The following SCFD2 variants were observed in gnomAD, a reference collection of about 807,000 sequenced individuals.
SCFD2 encodes sec1 family domain-containing protein 2.
Under a neutral mutation model 58.9 loss-of-function variants are expected in SCFD2, and 54 were observed. The ratio of observed to expected loss-of-function variants is 0.92; its 90% CI spans 0.74 to 1.15. SCFD2 has a LOEUF of 1.15. Among genes scored for constraint, SCFD2 ranks in the 50% most tolerant of loss-of-function variants. SCFD2 has a pLI of 0.00. For missense variants in SCFD2, 805 were observed against 836.6 expected (o/e 0.96, Z 0.47); for synonymous variants, 321 against 335.9 (o/e 0.96, Z 0.49).
At chr4:53,246,792 A>G (rs1399571772) in intron 4 of SCFD2, among the ~76,000 whole-genome samples, 1 of 152,186 alleles carries the variant, frequency 6.6e-6, no homozygotes, top group Non-Finnish European at 1.5e-5. Context: ...GAACTGGCAA[A>G]GACTTCATGA....
intron 4 of SCFD2, among the ~76,000 whole-genome samples, chr4:53,246,584 T>G (rs1730081894): frequency 6.6e-6 from 1 of 151,980 alleles, no homozygotes; most frequent in Non-Finnish European, 1.5e-5. Context: ...CTGACATAAA[T>G]AAGCAATGGG....
chr4:53,356,749 T>G (rs1383534735), intron 1 of SCFD2, among the ~76,000 whole-genome samples: 2 of 147,706 alleles, frequency 1.4e-5, no homozygotes, highest in South Asian at 2.2e-4. Context: ...TTTTTTTTTT[T>G]TTGTTGAGAC....
intron 5 of SCFD2, among the ~76,000 whole-genome samples, chr4:53,132,257 G>A (rs1725805895): frequency 6.6e-6 from 1 of 152,064 alleles, no homozygotes; most frequent in South Asian, 2.1e-4. Flanking sequence ...ATGTGCTATG[G>A]GTAACTATTT....
At chr4:53,243,565 T>C (rs1729967542) in intron 4 of SCFD2, among the ~76,000 whole-genome samples, 1 of 152,090 alleles carries the variant, frequency 6.6e-6, no homozygotes, top group African/African-American at 2.4e-5. Flanking sequence ...AAAGCAACTA[T>C]ACAAACAAGT....
intron 5 of SCFD2, among the ~76,000 whole-genome samples, chr4:53,064,695 T>C (rs1723608043): frequency 6.6e-6 from 1 of 152,124 alleles, no homozygotes; most frequent in Non-Finnish European, 1.5e-5. Flanking sequence ...AAGTGTGACA[T>C]TATTTGTCTT....
rs1445404923 is a variant in SCFD2 at position 53,152,415 on chromosome 4, G to A, written c.1312-6833C>T. Among the ~76,000 whole-genome samples the A allele has an allele frequency of 3.9e-5, 6 of 152,040 alleles. No individual in the cohort carries two copies. The South Asian group carries it at 1.0e-3, about 26-fold the overall frequency. The stretch of plus-strand genomic sequence containing the variant: ...TATCAAATGTAGGCAAGGATGTGGA[G>A]CCACTAAACGTCTCATACATTGCTA... On this transcript the variant is annotated intron_variant, in intron 4 of 8. Transcript: ENST00000401642.
At chr4:53,359,551 C>G (rs933750377) in intron 1 of SCFD2, among the ~76,000 whole-genome samples, 2 of 152,130 alleles carry the variant, frequency 1.3e-5, no homozygotes, top group African/African-American at 4.8e-5. Flanking sequence ...AAAGTGAAAT[C>G]CCTGTCTTTA....
At chr4:52,970,380 T>TGGCTCAGAGGGTCCTATGCCC (rs1321027199) in intron 5 of SCFD2, among the ~76,000 whole-genome samples, 2 of 152,266 alleles carry the variant, frequency 1.3e-5, no homozygotes, top group African/African-American at 4.8e-5. Context: ...ATCCTGTGCA[T>TGGCTCAGAGGGTCCTATGCCC]GGCTCAGAGG....
chr4:53,328,208 G>T (rs1733278193), intron 2 of SCFD2, among the ~76,000 whole-genome samples: 2 of 151,800 alleles, frequency 1.3e-5, no homozygotes, highest in African/African-American at 4.8e-5. Context: ...GTGTGTGTGA[G>T]TGTGTGTGTA....
chr4:53,016,588 G>A (rs1412944798), intron 5 of SCFD2, among the ~76,000 whole-genome samples: 2 of 152,190 alleles, frequency 1.3e-5, no homozygotes, highest in Non-Finnish European at 2.9e-5. Flanking sequence ...GAGCTCTTTA[G>A]TCATGAGTAT....
intron 1 of SCFD2, 86 bp from the exon 2 acceptor site, chr4:53,352,852 A>C (rs1734272332): frequency 1.8e-6 from 2 of 1,136,008 alleles, no homozygotes; most frequent in African/African-American, 3.1e-5. Context: ...ACCTTCTATC[A>C]AAAATAACAT....
intron 7 of SCFD2, among the ~76,000 whole-genome samples, chr4:52,906,710 AG>A (rs1347746382): frequency 6.6e-6 from 1 of 152,184 alleles, no homozygotes; most frequent in African/African-American, 2.4e-5. Context: ...GAACTCTGAA[AG>A]GCCAGATCTC....
intron 3 of SCFD2, among the ~76,000 whole-genome samples, chr4:53,287,129 C>A (rs1731693354): frequency 6.6e-6 from 1 of 152,166 alleles, no homozygotes; most frequent in South Asian, 2.1e-4. Flanking sequence ...GGGAGTGCCT[C>A]ACACTCACAG....
At chr4:52,899,439 G>A (rs938017134) in intron 7 of SCFD2, among the ~76,000 whole-genome samples, 3 of 152,278 alleles carry the variant, frequency 2.0e-5, no homozygotes, top group South Asian at 2.1e-4. Context: ...GAAATTCTGG[G>A]TTGAAAATTC....
chr4:53,252,414 C>T (rs1263191131), intron 4 of SCFD2, among the ~76,000 whole-genome samples: 1 of 151,504 alleles, frequency 6.6e-6, no homozygotes, highest in Non-Finnish European at 1.5e-5. Context: ...CAAAAAAGAG[C>T]CCGCATCGCC....
At chr4:52,994,800 G>A (rs952840436) in intron 5 of SCFD2, among the ~76,000 whole-genome samples, 1 of 152,078 alleles carries the variant, frequency 6.6e-6, no homozygotes, top group Non-Finnish European at 1.5e-5. Flanking sequence ...AAAAATGAGA[G>A]TATCTACATC....
At chr4:53,157,280 C>T (rs1367521535) in intron 4 of SCFD2, among the ~76,000 whole-genome samples, 1 of 152,038 alleles carries the variant, frequency 6.6e-6, no homozygotes, top group East Asian at 1.9e-4. Context: ...ATCCAAAATA[C>T]AAGGTAGACC....
Position 52,914,407 on chromosome 4 carries a change from T to A in SCFD2, c.1707+6318A>T, listed in dbSNP as rs148757304. On this transcript the variant is annotated intron_variant, in intron 6 of 8. Transcript: ENST00000401642. ...TTAAGCCAGGGGACTGGTGTATTCA[T>A]CCCATGTGAATCTAGCTCTCTCACT... is the stretch of plus-strand genomic sequence containing the variant. 3.9e-4 allele frequency among the ~76,000 whole-genome samples: 60 copies of A among 152,306 alleles called. 1 individual carries two copies. Among genetic ancestry groups the A allele is most frequent in the African/African-American group, 1.3e-3 (56 of 41,562 alleles).
At chr4:52,965,678 G>C (rs1184479916) in intron 5 of SCFD2, among the ~76,000 whole-genome samples, 1 of 152,204 alleles carries the variant, frequency 6.6e-6, no homozygotes, top group South Asian at 2.1e-4. Context: ...TAGCCAGCAA[G>C]CCTGGCTGGG....
Sources: gnomAD v4.1 joint callset for allele counts (sites outside exome capture counted in the v4.1 genomes callset) on GRCh38, gnomAD v4.1.1 for gene constraint, MANE v1.5 for transcripts, NCBI Gene and HGNC (gene_info 2026-07-23, HGNC 2026-07-21) for gene names.